LPP: variants seen among roughly 807,000 people sequenced by gnomAD.
The protein encoded by LPP is LIM domain containing preferred translocation partner in lipoma, also known as lipoma-preferred partner.
LPP carries 38 observed loss-of-function variants against 60.4 expected under a neutral mutation model. The ratio of observed to expected loss-of-function variants is 0.63; its 90% CI spans 0.49 to 0.83. The LOEUF (loss-of-function observed/expected upper bound fraction) is 0.83, where lower values mean the gene tolerates loss of function less well. Among genes scored for constraint, LPP ranks in the 40% least tolerant of loss-of-function variants. The probability of loss-of-function intolerance (pLI) is 0.00; values close to 1 mark genes in which losing one functional copy is unlikely to be tolerated. For synonymous variants in LPP, 328 were observed against 290.8 expected, an observed-to-expected ratio of 1.13 and a Z score of -1.30; for missense variants, 902 against 783.6, an observed-to-expected ratio of 1.15 and a Z score of -1.80.
intron 3 of LPP, among the ~76,000 whole-genome samples, chr3:188,403,648 G>A (rs1340852670): frequency 2.0e-5 from 3 of 151,664 alleles, no homozygotes; most frequent in South Asian, 2.1e-4. Flanking sequence ...GCATTTCTCA[G>A]CCATGTGAGA....
chr3:188,795,537 G>A (rs138105922), intron 9 of LPP, among the ~76,000 whole-genome samples: 22 of 152,298 alleles, frequency 1.4e-4, no homozygotes, highest in Admixed American at 6.5e-4. Flanking sequence ...ACTCATAAAT[G>A]TAAAACAGTG....
At chr3:188,362,100 G>A (rs992728755) in intron 3 of LPP, among the ~76,000 whole-genome samples, 4 of 152,264 alleles carry the variant, frequency 2.6e-5, no homozygotes, top group Non-Finnish European at 5.9e-5. Context: ...GAGGGTTTCC[G>A]TGGGCGTGAG....
chr3:188,859,820 G>A (rs1008025348), intron 9 of LPP, among the ~76,000 whole-genome samples: 15 of 152,130 alleles, frequency 9.9e-5, no homozygotes, highest in African/African-American at 3.6e-4. Context: ...GGTGTGTCAT[G>A]ACATCAAAAA....
chr3:188,177,269 A>C (rs1036655398), intron 1 of LPP, among the ~76,000 whole-genome samples: 2 of 152,184 alleles, frequency 1.3e-5, no homozygotes, highest in African/African-American at 4.8e-5. Context: ...CCCCTGTGCC[A>C]GTAGACAGAC....
Position 188,302,510 on chromosome 3 carries a change from A to G in LPP, c.-66-39153A>G, listed in dbSNP as rs866561941. Reference sequence around the variant, plus strand: ...AAAGAAGACAGCTCTTAGGATGTGGATATAAGATTGCATTTATGAACTTTA... The same window carrying G: ...AAAGAAGACAGCTCTTAGGATGTGGGTATAAGATTGCATTTATGAACTTTA... On this transcript the variant is annotated intron_variant, in intron 2 of 11. Transcript: ENST00000617246. Among the ~76,000 whole-genome samples the G allele has an allele frequency of 5.3e-5, 8 of 152,338 alleles. No individual in the cohort carries two copies. The South Asian group carries it at 1.7e-3, about 32-fold the overall frequency.
chr3:188,191,041 C>G (rs1227004949), intron 1 of LPP, among the ~76,000 whole-genome samples: 1 of 152,114 alleles, frequency 6.6e-6, no homozygotes, highest in Non-Finnish European at 1.5e-5. Flanking sequence ...ACCAGCCTGG[C>G]CAACATGGTG....
At chr3:188,457,857 C>T (rs936398488) in intron 4 of LPP, among the ~76,000 whole-genome samples, 5 of 151,826 alleles carry the variant, frequency 3.3e-5, no homozygotes, top group African/African-American at 4.8e-5. Context: ...TGCAGTGATC[C>T]GAGATCACGC....
At chr3:188,622,752 A>T (rs369519453) in intron 7 of LPP, among the ~76,000 whole-genome samples, 1 of 152,048 alleles carries the variant, frequency 6.6e-6, no homozygotes, top group Admixed American at 6.6e-5. Flanking sequence ...GAGCTGGGCC[A>T]GGCACAGTGG....
chr3:188,466,061 AATCCTAG>A (rs1230663590), intron 4 of LPP, among the ~76,000 whole-genome samples: 1 of 152,156 alleles, frequency 6.6e-6, no homozygotes, highest in African/African-American at 2.4e-5. Flanking sequence ...CGAGGATCAG[AATCCTAG>A]GTACTCTCCT....
chr3:188,228,344 A>G (rs1293377920), intron 2 of LPP, among the ~76,000 whole-genome samples: 1 of 152,112 alleles, frequency 6.6e-6, no homozygotes, highest in Admixed American at 6.5e-5. Context: ...TGCTGCATGA[A>G]TTTTCATGGA....
chr3:188,423,450 GGT>G (rs2149063556), intron 4 of LPP, among the ~76,000 whole-genome samples: 1 of 152,186 alleles, frequency 6.6e-6, no homozygotes, highest in African/African-American at 2.4e-5. Flanking sequence ...TAATCCTTTG[GGT>G]GTATACCCAG....
intron 2 of LPP, among the ~76,000 whole-genome samples, chr3:188,296,983 T>C (rs1341788699): frequency 2.0e-5 from 3 of 152,280 alleles, no homozygotes; most frequent in African/African-American, 7.2e-5. Flanking sequence ...AAAGGAGACG[T>C]TCTGCAGTGC....
rs1334810527 is a variant in LPP, at chr3:188,883,840, A to G, written c.*9361A>G. ...ATAGTGGTATTGCCGAAAACTCATT[A>G]TTTCTAGTTAGTTCATCTGTGGAAA... is the stretch of plus-strand genomic sequence containing the variant. On this transcript the variant is annotated 3_prime_UTR_variant, in exon 12 of 12. Coordinates refer to ENST00000617246, the MANE Select transcript of LPP (RefSeq NM_001375462.1). 1.4e-5 allele frequency: 3 copies of G among 216,866 alleles called. No individual in the cohort carries two copies. The highest frequency in any genetic ancestry group is 2.3e-5 in the African/African-American group (1 of 44,312). 13.4% of individuals were successfully genotyped at this position (216,866 alleles called of 1,614,324 possible).
intron 3 of LPP, among the ~76,000 whole-genome samples, chr3:188,358,182 AATTGAGATCC>A (rs1768160027): frequency 2.6e-5 from 4 of 152,186 alleles, no homozygotes; most frequent in Admixed American, 2.6e-4. Flanking sequence ...ACAGAGGAAG[AATTGAGATCC>A]AGAGATGTTA....
chr3:188,258,244 C>T (rs1296287495), intron 2 of LPP, among the ~76,000 whole-genome samples: 1 of 152,210 alleles, frequency 6.6e-6, no homozygotes, highest in African/African-American at 2.4e-5. Context: ...TTCTTACTTC[C>T]CTTCCCTTTG....
chr3:188,210,749 TC>T (rs1734476500), intron 1 of LPP, among the ~76,000 whole-genome samples: 1 of 152,186 alleles, frequency 6.6e-6, no homozygotes, highest in African/African-American at 2.4e-5. Flanking sequence ...TTAAGACCAT[TC>T]CCAGAAGCTC....
At chr3:188,788,745 C>T (rs1742698342) in intron 9 of LPP, among the ~76,000 whole-genome samples, 1 of 152,180 alleles carries the variant, frequency 6.6e-6, no homozygotes, top group Non-Finnish European at 1.5e-5. Context: ...TAAATGATCA[C>T]ATCCTGGCTA....
chr3:188,808,112 G>T (rs1749734216), intron 9 of LPP, among the ~76,000 whole-genome samples: 1 of 152,064 alleles, frequency 6.6e-6, no homozygotes, highest in Admixed American at 6.6e-5. Flanking sequence ...GTGCACCACA[G>T]ATTTCAAATA....
chr3:188,819,027 C>CGTGTGT (rs59994224), intron 9 of LPP, among the ~76,000 whole-genome samples: 86 of 142,290 alleles, frequency 6.0e-4, no homozygotes, highest in African/African-American at 1.3e-3. Flanking sequence ...TCATGGGGGT[C>CGTGTGT]GTGTGTGTGT....
Sources: allele counts gnomAD v4.1 joint callset (sites outside exome capture counted in the v4.1 genomes callset), GRCh38; gene constraint gnomAD v4.1.1; transcripts MANE v1.5; gene names NCBI Gene and HGNC (gene_info 2026-07-23, HGNC 2026-07-21).